The following TMEM178B variants were observed in gnomAD, a reference collection of about 807,000 sequenced individuals.
The protein encoded by TMEM178B is transmembrane protein 178B.
A neutral mutation model predicts 31.0 loss-of-function variants in TMEM178B; 5 were observed. The observed-to-expected ratio is 0.16, with a 90% CI of 0.08 to 0.34. The LOEUF is 0.34. Ranked by LOEUF, TMEM178B falls within the 10% of genes least tolerant of loss-of-function variation. The pLI is 1.00. For synonymous variants in TMEM178B, 164 were observed against 164.0 expected, an observed-to-expected ratio of 1.00 and a Z score of 0.00; for missense variants, 275 against 400.3, an observed-to-expected ratio of 0.69 and a Z score of 2.67.
At chr7:141,085,941 A>G (rs950378689) in intron 1 of TMEM178B, among the ~76,000 whole-genome samples, 6 of 152,128 alleles carry the variant, frequency 3.9e-5, no homozygotes, top group African/African-American at 1.2e-4. Context: ...CACAAAATAA[A>G]CAAAAGATGT....
At chr7:141,259,689 C>T (rs933236826) in intron 2 of TMEM178B, among the ~76,000 whole-genome samples, 3 of 152,162 alleles carry the variant, frequency 2.0e-5, no homozygotes, top group Non-Finnish European at 4.4e-5. Flanking sequence ...CTTTACTTCT[C>T]ATTTTTATTT....
At chr7:141,454,112 ATAAT>A (rs1465224855) in intron 3 of TMEM178B, among the ~76,000 whole-genome samples, 2 of 152,152 alleles carry the variant, frequency 1.3e-5, no homozygotes, top group East Asian at 1.9e-4. Context: ...ATTTAAAATA[ATAAT>A]TAATATAATT....
chr7:141,249,944 T>C (rs1010623089), intron 2 of TMEM178B, among the ~76,000 whole-genome samples: 4 of 152,232 alleles, frequency 2.6e-5, no homozygotes, highest in African/African-American at 9.6e-5. Context: ...GGATATTTCT[T>C]ACCTTAAGGA....
chr7:141,215,818 CTTTCTTTCTTTCTTTCTTTCT>C (rs1362526442), intron 2 of TMEM178B, among the ~76,000 whole-genome samples: 42 of 81,192 alleles, frequency 5.2e-4, no homozygotes, highest in Admixed American at 2.9e-3. Flanking sequence ...TTCTTTCTTT[CTTTCTTTCTTTCTTTCTTTCT>C]TTTCTTTTCT....
chr7:141,257,831 T>C (rs1797951887), intron 2 of TMEM178B, among the ~76,000 whole-genome samples: 1 of 152,090 alleles, frequency 6.6e-6, no homozygotes, highest in African/African-American at 2.4e-5. Context: ...TCACATTTCA[T>C]GTAAATATTG....
chr7:141,351,634 G>C (rs890301346), intron 2 of TMEM178B, among the ~76,000 whole-genome samples: 3 of 152,176 alleles, frequency 2.0e-5, no homozygotes, highest in Admixed American at 1.3e-4. Context: ...AGAATAGAAT[G>C]GTTGTGGCCA....
chr7:141,175,866 A>G (rs937450950), intron 1 of TMEM178B, among the ~76,000 whole-genome samples: 4 of 152,180 alleles, frequency 2.6e-5, no homozygotes, highest in Admixed American at 6.5e-5. Context: ...GGCTAAGACA[A>G]TGAAGTTTTC....
At chr7:141,162,858 G>T (rs373291218) in intron 1 of TMEM178B, among the ~76,000 whole-genome samples, 1 of 152,232 alleles carries the variant, frequency 6.6e-6, no homozygotes, top group Non-Finnish European at 1.5e-5. Context: ...GATTGTGCAT[G>T]TGGTGCCAAG....
intron 2 of TMEM178B, among the ~76,000 whole-genome samples, chr7:141,215,631 A>G (rs1797120423): frequency 6.6e-6 from 1 of 151,450 alleles, no homozygotes; most frequent in Non-Finnish European, 1.5e-5. Context: ...TGGTCTGGTT[A>G]TCATTTTATA....
chr7:141,491,861 A>G, the TMEM178B span, among the ~76,000 whole-genome samples: 564 of 152,106 alleles, frequency 3.7e-3, 1 homozygote, highest in Non-Finnish European at 6.0e-3. Flanking sequence ...GTGCCCTTTC[A>G]CCTGCCTCCT....
downstream of TMEM178B, among the ~76,000 whole-genome samples, chr7:141,481,269 G>C (rs1802469974): frequency 6.6e-6 from 1 of 152,180 alleles, no homozygotes; most frequent in African/African-American, 2.4e-5. Context: ...GAGAAAACAG[G>C]TTTAGGGTCT....
chr7:141,137,200 C>T (rs1353197488), intron 1 of TMEM178B, among the ~76,000 whole-genome samples: 1 of 152,118 alleles, frequency 6.6e-6, no homozygotes, highest in Non-Finnish European at 1.5e-5. Flanking sequence ...ATCCAGCAAT[C>T]CAACTACTGG....
intron 2 of TMEM178B, among the ~76,000 whole-genome samples, chr7:141,319,487 C>T (rs1799061303): frequency 6.6e-6 from 1 of 152,212 alleles, no homozygotes; most frequent in Admixed American, 6.5e-5. Flanking sequence ...TAGAGGCTAA[C>T]TTCTGAAGCA....
chr7:141,202,769 G>A (rs1415599987), intron 1 of TMEM178B, among the ~76,000 whole-genome samples: 2 of 152,116 alleles, frequency 1.3e-5, no homozygotes, highest in African/African-American at 2.4e-5. Context: ...CTTGAAATAA[G>A]CTTTTGTGAA....
intron 2 of TMEM178B, among the ~76,000 whole-genome samples, chr7:141,238,043 G>A (rs1797558276): frequency 6.8e-6 from 1 of 147,194 alleles, no homozygotes; most frequent in South Asian, 2.2e-4. Flanking sequence ...AAAAAAAAAG[G>A]AAATTAAGGA....
At chr7:141,270,000 G>A (rs951269585) in intron 2 of TMEM178B, among the ~76,000 whole-genome samples, 3 of 152,150 alleles carry the variant, frequency 2.0e-5, no homozygotes, top group Non-Finnish European at 4.4e-5. Context: ...AGGAGGTGGA[G>A]GCTGCAGTGA....
chr7:141,221,309 T>C (rs1391278304), intron 2 of TMEM178B, among the ~76,000 whole-genome samples: 3 of 152,192 alleles, frequency 2.0e-5, no homozygotes, highest in Non-Finnish European at 1.5e-5. Context: ...CCGGGCAAAC[T>C]GCTGCAGTGA....
intron 2 of TMEM178B, among the ~76,000 whole-genome samples, chr7:141,356,147 C>T (rs1258145236): frequency 1.3e-5 from 2 of 152,128 alleles, no homozygotes; most frequent in African/African-American, 4.8e-5. Flanking sequence ...GATTCCATGT[C>T]ATTGCTATTG....
chr7:141,304,099 A>G (rs776060414), intron 2 of TMEM178B, among the ~76,000 whole-genome samples: 2 of 152,208 alleles, frequency 1.3e-5, no homozygotes, highest in Non-Finnish European at 2.9e-5. Flanking sequence ...TGCAAGAGCT[A>G]AATATCTAGG....
Sources: gnomAD v4.1 joint callset for allele counts (sites outside exome capture counted in the v4.1 genomes callset) on GRCh38, gnomAD v4.1.1 for gene constraint, MANE v1.5 for transcripts, NCBI Gene and HGNC (gene_info 2026-07-23, HGNC 2026-07-21) for gene names.